The following CYFIP2 variants were observed in gnomAD, a reference collection of about 807,000 sequenced individuals.
The protein encoded by CYFIP2 is cytoplasmic FMR1-interacting protein 2.
CYFIP2 carries 29 observed loss-of-function variants against 158.7 expected under a neutral mutation model. The ratio of observed to expected loss-of-function variants is 0.18; its 90% CI spans 0.14 to 0.25. The LOEUF (loss-of-function observed/expected upper bound fraction) is 0.25. Ranked by LOEUF, CYFIP2 falls within the 10% of genes least tolerant of loss-of-function variation. The probability of loss-of-function intolerance (pLI) is 1.00; values close to 1 mark genes in which losing one functional copy is unlikely to be tolerated. For missense variants in CYFIP2, 852 were observed against 1,639.5 expected (o/e 0.52, Z 8.29); for synonymous variants, 585 against 617.6 (o/e 0.95, Z 0.78).
rs534756048 is a variant in CYFIP2, at chr5:157,339,112, A to G, written c.2441A>G (p.His814Arg). The G allele has an allele frequency of 1.1e-5, 18 of 1,614,010 alleles. No individual in the cohort carries two copies. In the East Asian group the frequency reaches 2.7e-4, roughly 24 times the overall value. Residue 814 changes from histidine to arginine, a missense_variant, in exon 22 of 31, where the codon CAT (histidine) becomes CGT (arginine). Physicochemically the swap from His to Arg is conservative, Grantham distance 29 (BLOSUM62 0). Around this residue, in one of 8 missense-constraint regions of CYFIP2, gnomAD observed 191 missense variants for 311.2 expected, o/e 0.61. Coordinates refer to ENST00000620254, the MANE Select transcript of CYFIP2 (RefSeq NM_001037333.3). ...CTCACGCATCGGCTGCTCTGTAAGCATATGACGCTGGACAGCTTCGATGCC... is the reference window on the plus strand; with the variant it reads ...CTCACGCATCGGCTGCTCTGTAAGCGTATGACGCTGGACAGCTTCGATGCC... ...NRLTHRLLCK[H>R]MTLDSFDAMF...
At chr5:157,392,701 A>G (rs897849612) in intron 30 of CYFIP2, 132 bp from the exon 31 acceptor site, 39 of 1,033,598 alleles carry the variant, frequency 3.8e-5, no homozygotes, top group Non-Finnish European at 5.0e-5. Flanking sequence ...AGGGGATTCC[A>G]TAAAAGGACT....
At chr5:157,297,373 ACTCT>A (rs1225717171) in intron 5 of CYFIP2, among the ~76,000 whole-genome samples, 14 of 152,138 alleles carry the variant, frequency 9.2e-5, no homozygotes, top group Non-Finnish European at 2.1e-4. Flanking sequence ...TGGCCCTTTC[ACTCT>A]CTAACTGTGT....
chr5:157,277,718 T>C (rs553789258), intron 1 of CYFIP2, among the ~76,000 whole-genome samples: 60 of 152,374 alleles, frequency 3.9e-4, no homozygotes, highest in Admixed American at 8.5e-4. Flanking sequence ...ATGAGGATTC[T>C]GAAGCTGTCT....
At chr5:157,322,207 G>A (rs888882383) in intron 15 of CYFIP2, among the ~76,000 whole-genome samples, 6 of 152,132 alleles carry the variant, frequency 3.9e-5, no homozygotes, top group East Asian at 3.9e-4. Context: ...CCTCTCTTGC[G>A]GATGGGGAAA....
intron 12 of CYFIP2, 26 bp downstream of exon 12, chr5:157,314,489 C>G (rs761304516): frequency 3.3e-5 from 53 of 1,604,688 alleles, no homozygotes; most frequent in Non-Finnish European, 4.2e-5. Flanking sequence ...TAGAGGGCCT[C>G]ACACTGACCT....
At chr5:157,283,962 C>T (rs769953303) in intron 1 of CYFIP2, among the ~76,000 whole-genome samples, 4 of 152,252 alleles carry the variant, frequency 2.6e-5, no homozygotes, top group South Asian at 2.1e-4. Flanking sequence ...TCCCTGGGAT[C>T]GAAGGTGGTT....
At chr5:157,333,206 C>A (rs13181919) in intron 20 of CYFIP2, 121 bp from the exon 21 acceptor site, 3 of 1,299,292 alleles carry the variant, frequency 2.3e-6, no homozygotes, top group Non-Finnish European at 3.2e-6. Flanking sequence ...CCAGGAAACC[C>A]CTCCCACCTG....
chr5:157,300,753 G>A lies in CYFIP2; in HGVS notation c.426G>A (p.Arg142=), dbSNP rs978149171. 8.1e-6 allele frequency: 13 copies of A among 1,611,354 alleles called. No homozygotes were observed. In the African/African-American group the frequency reaches 1.1e-4, roughly 13 times the overall value. Residue 142 remains arginine (R), a synonymous_variant, in exon 6 of 31, where the codon CGG becomes CGA. Transcript: ENST00000620254. ...AGCGGTTCTGCAGCGAGGTGAAGCG[G>A]CTGTGCCATGCCGAGCGCAGGAAGG... ...AIERFCSEVK[R]LCHAERRKDF...
chr5:157,382,500 C>G, intron 26 of CYFIP2, 90 bp from the exon 27 acceptor site: 1 of 1,372,588 alleles, frequency 7.3e-7, no homozygotes, highest in African/African-American at 1.4e-5. Context: ...CCAGGTCTAG[C>G]TAACTCCAGT....
At chr5:157,390,442 G>A in intron 29 of CYFIP2, 79 bp from the exon 30 acceptor site, 1 of 1,372,042 alleles carries the variant, frequency 7.3e-7, no homozygotes. Context: ...CTGTACTCCT[G>A]GCCCAAGATG....
chr5:157,308,092 A>G lies in CYFIP2; in HGVS notation c.900+227A>G, dbSNP rs536894161. 3.3e-5 allele frequency among the ~76,000 whole-genome samples: 5 copies of G among 151,824 alleles called. No homozygotes were observed. The South Asian group carries it at 8.3e-4, about 25-fold the overall frequency. On this transcript the variant is annotated intron_variant, in intron 9 of 30. Transcript: ENST00000620254. ...GAAGGCTGCTGCATGAAAGCCACAC[A>G]TCGTTCCAAGTTGCAGGATTCAGCT...
Position 157,361,202 on chromosome 5 carries a change from G to A in CYFIP2, c.2909-266G>A, listed in dbSNP as rs927084366. ...TGGAGGGACTGGGAAGGGTCCAATG[G>A]TGCCTCATTTGTGTGCCTGTGTTTG... On this transcript the variant is annotated intron_variant, in intron 25 of 30. Transcript: ENST00000620254. The surrounding 1 kb of genome is among the most constrained non-coding windows in gnomAD (Gnocchi z 4.4). Among the ~76,000 whole-genome samples the A allele has an allele frequency of 6.6e-6, 1 of 151,712 alleles. No homozygotes were observed. Among genetic ancestry groups the A allele is most frequent in the African/African-American group, 2.4e-5 (1 of 41,046 alleles).
At chr5:157,362,368 T>C (rs188009477) in intron 26 of CYFIP2, among the ~76,000 whole-genome samples, 1 of 152,316 alleles carries the variant, frequency 6.6e-6, no homozygotes, top group East Asian at 1.9e-4. Context: ...AAAAGAACTC[T>C]GGTTCATATG....
intron 20 of CYFIP2, 118 bp downstream of exon 20, chr5:157,330,968 G>A: frequency 1.3e-6 from 1 of 746,604 alleles, no homozygotes; most frequent in African/African-American, 1.7e-5. Context: ...TGCCAGTGTG[G>A]ATTTCCGAGC....
intron 19 of CYFIP2, 28 bp downstream of exon 19, chr5:157,328,077 C>A (rs1459547649): frequency 6.2e-7 from 1 of 1,604,324 alleles, no homozygotes; most frequent in Admixed American, 1.7e-5. Context: ...CTGTGAGTAG[C>A]AATCTCTTAA....
At chr5:157,389,467 G>T in intron 29 of CYFIP2, 40 bp downstream of exon 29, 11 of 1,494,128 alleles carry the variant, frequency 7.4e-6, no homozygotes, top group Non-Finnish European at 9.9e-6. Flanking sequence ...CCCCCAACCT[G>T]CCTGTGCTCC....
chr5:157,276,599 T>C (rs975565405), intron 1 of CYFIP2, among the ~76,000 whole-genome samples: 1 of 152,226 alleles, frequency 6.6e-6, no homozygotes, highest in Non-Finnish European at 1.5e-5. Flanking sequence ...CATTGAGTTT[T>C]CAAAGCCTAA....
intron 30 of CYFIP2, 80 bp downstream of exon 30, chr5:157,390,748 G>A (rs1015228736): frequency 1.3e-6 from 2 of 1,541,676 alleles, no homozygotes; most frequent in South Asian, 1.2e-5. Flanking sequence ...AAACAAGGAG[G>A]AGCTGCTTGT....
rs1274598416 is a variant in CYFIP2 at position 157,361,663 on chromosome 5, A to C, written c.3039+65A>C. The C allele has an allele frequency of 6.3e-7, 1 of 1,595,392 alleles. No homozygotes were observed. Among genetic ancestry groups the C allele is most frequent in the Non-Finnish European group, 8.6e-7 (1 of 1,167,150 alleles). Reference sequence around the variant, plus strand: ...TGGAGGGGATGCCAACCCCAAGCAGATATTGAGGCTCCTGCAGCATTGATT... The same window carrying C: ...TGGAGGGGATGCCAACCCCAAGCAGCTATTGAGGCTCCTGCAGCATTGATT... On this transcript the variant is annotated intron_variant, in intron 26 of 30. Coordinates refer to ENST00000620254, the MANE Select transcript of CYFIP2 (RefSeq NM_001037333.3). The surrounding 1 kb of genome is among the most constrained non-coding windows in gnomAD (Gnocchi z 4.4).
Sources: allele counts gnomAD v4.1 joint callset (sites outside exome capture counted in the v4.1 genomes callset), GRCh38; gene constraint gnomAD v4.1.1; regional missense constraint gnomAD v4.1.1; non-coding constraint Gnocchi (gnomAD v3.1); transcripts MANE v1.5; gene names NCBI Gene and HGNC (gene_info 2026-07-23, HGNC 2026-07-21).